The following VCL variants were observed in gnomAD, a reference collection of about 807,000 sequenced individuals.
The protein encoded by VCL is epididymis luminal protein 114.
A neutral mutation model predicts 125.7 loss-of-function variants in VCL; 47 were observed. That is an observed-to-expected ratio of 0.37 (90% CI 0.30 to 0.48). The LOEUF (loss-of-function observed/expected upper bound fraction) is 0.48. VCL is among the 20% of genes least tolerant of loss of function. The pLI is 0.99. For synonymous variants in VCL, 458 were observed against 514.6 expected, an observed-to-expected ratio of 0.89 and a Z score of 1.49; for missense variants, 1,069 against 1,455.5, an observed-to-expected ratio of 0.73 and a Z score of 4.32.
At chr10:74,091,323 T>C (rs1839880478) in intron 10 of VCL, among the ~76,000 whole-genome samples, 1 of 152,192 alleles carries the variant, frequency 6.6e-6, no homozygotes, top group South Asian at 2.1e-4. Context: ...TCATGTGTGG[T>C]CATTCATGCC....
chr10:74,111,683 G>A (rs1171475017), intron 18 of VCL, among the ~76,000 whole-genome samples: 1 of 152,158 alleles, frequency 6.6e-6, no homozygotes, highest in Non-Finnish European at 1.5e-5. Flanking sequence ...TGCCATTGGA[G>A]TGAGTCCCTT....
At chr10:74,056,889 C>T (rs1233706001) in intron 2 of VCL, among the ~76,000 whole-genome samples, 1 of 152,096 alleles carries the variant, frequency 6.6e-6, no homozygotes, top group Non-Finnish European at 1.5e-5. Context: ...ATTTCTTCAC[C>T]TATCTCCTGA....
Position 74,119,753 on chromosome 10 carries a change from T to A in VCL, c.*1584T>A, listed in dbSNP as rs703258. On this transcript the variant is annotated 3_prime_UTR_variant, in exon 22 of 22. Transcript: ENST00000211998. ...ACTCAGGCTTTCACTATTTCCTTTA[T>A]AATGAGGATGATTATTTTCAAGGCC... 111,761 of 152,428 alleles carry A rather than the reference T, an allele frequency of 0.73. 41,710 individuals carry two copies. Among genetic ancestry groups the A allele is most frequent in the Middle Eastern group, 0.85 (250 of 294 alleles). The allele number at this position is 152,428 out of a possible 1,614,324, so 9.4% of individuals were successfully genotyped here. A position where few individuals can be genotyped will look rare whatever the true frequency, so the allele number is the denominator to read the frequency against.
intron 21 of VCL, among the ~76,000 whole-genome samples, chr10:74,117,393 G>T (rs1234808043): frequency 6.6e-6 from 1 of 152,202 alleles, no homozygotes. Flanking sequence ...CACGCCTACT[G>T]TATGTAGTCT....
intron 1 of VCL, among the ~76,000 whole-genome samples, chr10:74,005,442 G>C (rs1840304841): frequency 6.6e-6 from 1 of 151,648 alleles, no homozygotes; most frequent in African/African-American, 2.4e-5. Flanking sequence ...TTTTAGTAGA[G>C]ATGGGGTTTC....
chr10:74,118,516 A>G lies in VCL; in HGVS notation c.*347A>G. 9.1e-6 allele frequency: 3 copies of G among 330,680 alleles called. No homozygotes were observed. The highest frequency in any genetic ancestry group is 1.8e-5 in the Non-Finnish European group (3 of 170,108). The allele number at this position is 330,680 out of a possible 1,614,324, so 20.5% of individuals were successfully genotyped here. A position where few individuals can be genotyped will look rare whatever the true frequency, so the allele number is the denominator to read the frequency against. ...GCTCTGCCCTTGTTCCCTAGGGGAC[A>G]CTTCCCTCTGTTTCTCTTTCCTTGG... On this transcript the variant is annotated 3_prime_UTR_variant, in exon 22 of 22. Transcript: ENST00000211998.
chr10:74,118,326 T>G lies in VCL; in HGVS notation c.*157T>G. 3.5e-6 allele frequency: 3 copies of G among 854,428 alleles called. No homozygotes were observed. The highest frequency in any genetic ancestry group is 5.6e-6 in the Non-Finnish European group (3 of 532,564). The allele number at this position is 854,428 out of a possible 1,614,324, so 52.9% of individuals were successfully genotyped here. On this transcript the variant is annotated 3_prime_UTR_variant, in exon 22 of 22. Coordinates refer to ENST00000211998, the MANE Select transcript of VCL (RefSeq NM_014000.3). The stretch of plus-strand genomic sequence containing the variant: ...GGGGCCTCTTCAAATTAGAAGACAT[T>G]TATACTCTTTTTTCATGGACACTTT...
chr10:74,100,801 T>C, intron 13 of VCL, 147 bp from the exon 14 acceptor site: 2 of 956,874 alleles, frequency 2.1e-6, no homozygotes, highest in African/African-American at 1.6e-5. Context: ...GATTTGGAGT[T>C]TGACTGTTGT....
intron 1 of VCL, among the ~76,000 whole-genome samples, chr10:74,002,282 C>T (rs1369209967): frequency 2.0e-5 from 3 of 152,132 alleles, no homozygotes; most frequent in Admixed American, 6.5e-5. Flanking sequence ...TGTGCCACCA[C>T]GCCCGGCTAA....
chr10:74,009,029 T>C (rs1178112534), intron 1 of VCL, among the ~76,000 whole-genome samples: 1 of 152,162 alleles, frequency 6.6e-6, no homozygotes, highest in South Asian at 2.1e-4. Context: ...TTCAAGTCTG[T>C]AATAAGACTG....
At chr10:74,114,590 C>T (rs2131940379) in intron 20 of VCL, among the ~76,000 whole-genome samples, 1 of 151,654 alleles carries the variant, frequency 6.6e-6, no homozygotes, top group Non-Finnish European at 1.5e-5. Context: ...GGAAAGGTTA[C>T]TTCCTAATCA....
intron 13 of VCL, among the ~76,000 whole-genome samples, chr10:74,098,181 T>C (rs182366221): frequency 4.8e-4 from 73 of 152,306 alleles, no homozygotes; most frequent in Non-Finnish European, 9.3e-4. Flanking sequence ...GTTCTAATCT[T>C]GGGGCCTTTG....
intron 17 of VCL, among the ~76,000 whole-genome samples, chr10:74,108,305 A>G (rs1840168980): frequency 6.6e-6 from 1 of 152,176 alleles, no homozygotes; most frequent in African/African-American, 2.4e-5. Context: ...TCAGTGACAG[A>G]TGAGGAACCT....
intron 2 of VCL, among the ~76,000 whole-genome samples, chr10:74,046,164 T>C (rs1841193866): frequency 1.3e-5 from 2 of 152,194 alleles, no homozygotes; most frequent in South Asian, 4.1e-4. Flanking sequence ...TGTCCTACCT[T>C]CATTGGACTT....
chr10:74,077,590 T>C (rs1839612126), intron 6 of VCL: 1 of 281,246 alleles, frequency 3.6e-6, no homozygotes, highest in Non-Finnish European at 7.3e-6. Flanking sequence ...CTGTGACTGC[T>C]GGGTTCCCAT....
At chr10:74,026,110 G>A (rs1444146530) in intron 1 of VCL, among the ~76,000 whole-genome samples, 2 of 152,184 alleles carry the variant, frequency 1.3e-5, no homozygotes, top group Non-Finnish European at 2.9e-5. Flanking sequence ...GCATCATATT[G>A]CCTGTTTCTT....
chr10:74,082,145 C>A (rs1182281260), intron 6 of VCL, among the ~76,000 whole-genome samples: 1 of 152,134 alleles, frequency 6.6e-6, no homozygotes, highest in Admixed American at 6.5e-5. Context: ...GACAACAGGG[C>A]TTTTTCCTGC....
At chr10:74,050,243 C>A (rs148031573) in intron 2 of VCL, among the ~76,000 whole-genome samples, 1 of 152,148 alleles carries the variant, frequency 6.6e-6, no homozygotes, top group African/African-American at 2.4e-5. Context: ...ATTGGTTCAC[C>A]AGCTTGGACT....
At chr10:74,074,688 T>A in intron 5 of VCL, 55 bp from the exon 6 acceptor site, 1 of 1,592,212 alleles carries the variant, frequency 6.3e-7, no homozygotes, top group Non-Finnish European at 8.6e-7. Flanking sequence ...TTGTGAATAT[T>A]GTTATACAAC....
Sources: gnomAD v4.1 joint callset for allele counts (sites outside exome capture counted in the v4.1 genomes callset) on GRCh38, gnomAD v4.1.1 for gene constraint, MANE v1.5 for transcripts, NCBI Gene and HGNC (gene_info 2026-07-23, HGNC 2026-07-21) for gene names.